Variants in BMX observed in about 807,000 individuals in gnomAD.
BMX encodes the protein cytoplasmic tyrosine-protein kinase BMX.
BMX carries 31 observed loss-of-function variants against 59.2 expected under a neutral mutation model. That is an observed-to-expected ratio of 0.52 (90% confidence interval 0.39 to 0.71). The LOEUF (loss-of-function observed/expected upper bound fraction) is 0.71. BMX is among the 30% of genes least tolerant of loss of function. BMX has a pLI of 0.00. For synonymous variants in BMX, 185 were observed against 181.0 expected, an observed-to-expected ratio of 1.02 and a Z score of -0.18; for missense variants, 474 against 491.7, an observed-to-expected ratio of 0.96 and a Z score of 0.34.
intron 6 of BMX, 43 bp downstream of exon 6, chrX:15,518,036 T>C (rs758363110): frequency 1.1e-5 from 12 of 1,074,061 alleles, no homozygotes; most frequent in South Asian, 4.0e-5. Context: ...TCAGGATATA[T>C]TAAATAAACC....
chrX:15,524,664 G>A (rs1222542950), intron 7 of BMX, among the ~76,000 whole-genome samples: 1 of 111,949 alleles, frequency 8.9e-6, no homozygotes, highest in Non-Finnish European at 1.9e-5. Flanking sequence ...TCCTTGCTAA[G>A]GAAACTTGTT....
rs1425392939 is a variant in BMX, at chrX:15,547,703, G to A, written c.1795+782G>A. Among the ~76,000 whole-genome samples the A allele has an allele frequency of 5.4e-5, 6 of 111,799 alleles. No individual in the cohort carries two copies. In the Admixed American group the frequency reaches 5.7e-4, roughly 11 times the overall value. ...CTAAAATGCTATGTGGCCCTTTATA[G>A]GATAAGTTTGCTGACTCTTATTTTA... On this transcript the variant is annotated intron_variant, in intron 17 of 18. Coordinates refer to ENST00000348343, the MANE Select transcript of BMX (RefSeq NM_203281.3).
At chrX:15,539,103 G>A (rs1569228303) in intron 14 of BMX, among the ~76,000 whole-genome samples, 1 of 110,901 alleles carries the variant, frequency 9.0e-6, no homozygotes, top group African/African-American at 3.3e-5. Context: ...TCATAAAACT[G>A]GGAAGGGGGC....
intron 1 of BMX, 80 bp downstream of exon 1, chrX:15,501,020 G>C: frequency 1.4e-6 from 1 of 717,547 alleles, no homozygotes; most frequent in Non-Finnish European, 1.7e-6. Context: ...TGTGGGGCCT[G>C]AAGTTACAAA....
intron 16 of BMX, among the ~76,000 whole-genome samples, chrX:15,543,452 G>C (rs1291057424): frequency 4.5e-5 from 5 of 110,677 alleles, no homozygotes; most frequent in African/African-American, 1.6e-4. Context: ...TGGGTACATA[G>C]TAGGTATACA....
At chrX:15,518,104 G>A in intron 6 of BMX, 111 bp downstream of exon 6, 1 of 616,756 alleles carries the variant, frequency 1.6e-6, no homozygotes, top group African/African-American at 2.2e-5. Flanking sequence ...TCTCAGCAAA[G>A]AGAGAAAAAC....
rs776533089 is a variant in BMX at position 15,534,335 on chromosome X, A to G, written c.1143A>G (p.Ser381=). Residue 381 remains serine (S), a synonymous_variant, in exon 12 of 19, where the codon TCA becomes TCG. Transcript: ENST00000348343. ...PKLIHYHQHN[S]AGMITRLRHP... ...TTATTCATTATCATCAACACAATTC[A>G]GCAGGTAACTTATTTTAGTTTTTCT... 5 of 1,163,864 alleles carry G rather than the reference A, an allele frequency of 4.3e-6. No homozygotes were observed. The highest frequency in any genetic ancestry group is 5.7e-6 in the Non-Finnish European group (5 of 875,231).
Position 15,549,864 on chromosome X carries a change from G to T in BMX, c.1820G>T (p.Ser607Ile), listed in dbSNP as rs1239574626. The change falls in exon 18 of 19, where the codon AGC becomes ATC. Residue 607 changes from serine to isoleucine, a missense_variant. Coordinates refer to ENST00000348343, the MANE Select transcript of BMX (RefSeq NM_203281.3). Reference sequence around the variant, plus strand: ...GGGATCCTGATGTGGGAGGTGTTCAGCCTGGGGAAGCAGCCCTATGACTTG... The same window carrying T: ...GGGATCCTGATGTGGGAGGTGTTCATCCTGGGGAAGCAGCCCTATGACTTG... The part of the protein sequence containing the change: ...AFGILMWEVF[S>I]LGKQPYDLYD... The T allele has an allele frequency of 8.3e-7, 1 of 1,206,788 alleles. No individual in the cohort carries two copies. The highest frequency in any genetic ancestry group is 1.8e-5 in the African/African-American group (1 of 56,884).
chrX:15,546,295 T>G (rs1357264202), intron 16 of BMX, among the ~76,000 whole-genome samples: 2 of 112,085 alleles, frequency 1.8e-5, no homozygotes, highest in African/African-American at 6.5e-5. Flanking sequence ...AAATTATGTT[T>G]AATTCCTTCC....
rs1014730630 is a variant in BMX, at chrX:15,501,402, C to A, written c.-10+462C>A. On this transcript the variant is annotated intron_variant, in intron 1 of 18. Transcript: ENST00000348343. ...GTTACTTTAGCTACAAATATTTGCT[C>A]TTAGGTTCCTGAGGTCTCCCTAAAT... 3.6e-5 allele frequency among the ~76,000 whole-genome samples: 4 copies of A among 112,378 alleles called. No homozygotes were observed. The Admixed American group carries it at 3.8e-4, about 11-fold the overall frequency.
intron 9 of BMX, among the ~76,000 whole-genome samples, chrX:15,529,002 C>T (rs1341688835): frequency 3.6e-5 from 4 of 111,967 alleles, no homozygotes; most frequent in African/African-American, 1.3e-4. Context: ...TATACAGTAT[C>T]CATAATGGTA....
In BMX at chrX:15,516,244, T is replaced by A. The variant is rs1356393780; in HGVS notation, c.445+13T>A. ...CTCTGGGAAGCATGTAATGTGTGAT[T>A]CCTCTGTTGGACTGGACGTTGGGTG... is the stretch of plus-strand genomic sequence containing the variant. On this transcript the variant is annotated intron_variant, in intron 5 of 18. Transcript: ENST00000348343. 8.3e-7 allele frequency: 1 copy of A among 1,206,650 alleles called. No individual in the cohort carries two copies. Among genetic ancestry groups the A allele is most frequent in the Admixed American group, 2.2e-5 (1 of 45,937 alleles).
rs188954548 is a variant in BMX, at chrX:15,540,998, A to C, written c.1395-984A>C. On this transcript the variant is annotated intron_variant, in intron 14 of 18. Coordinates refer to ENST00000348343, the MANE Select transcript of BMX (RefSeq NM_203281.3). ...AGGTGATATGGCAGCACACTGCTAG[A>C]GACTCCGCTAGACATTTAGCTTAAC... is the stretch of plus-strand genomic sequence containing the variant. Among the ~76,000 whole-genome samples, 3 of 107,714 alleles carry C rather than the reference A, an allele frequency of 2.8e-5. No homozygotes were observed. The East Asian group carries it at 8.8e-4, about 31-fold the overall frequency. The allele number at this position is 107,714 out of a possible 115,157, so 93.5% of individuals were successfully genotyped here.
chrX:15,536,254 T>C, intron 12 of BMX, 99 bp from the exon 13 acceptor site: 1 of 870,981 alleles, frequency 1.1e-6, no homozygotes, highest in Non-Finnish European at 1.6e-6. Flanking sequence ...TCTTTGCTTT[T>C]TCAGCCACTT....
At chrX:15,527,717 C>A (rs1924863663) in intron 9 of BMX, among the ~76,000 whole-genome samples, 1 of 111,833 alleles carries the variant, frequency 8.9e-6, no homozygotes, top group Admixed American at 9.5e-5. Flanking sequence ...CTCCTCCTCT[C>A]ATCTCTAACC....
Position 15,531,383 on chromosome X carries a change from T to C in BMX, c.995T>C (p.Val332Ala). Reference sequence around the variant, plus strand: ...TCGAGCCAAGTGGGAATGTACACAGTGTCCTTATTTAGTAAGGCTGTGAAG... The same window carrying C: ...TCGAGCCAAGTGGGAATGTACACAGCGTCCTTATTTAGTAAGGCTGTGAAG... ...RNSSQVGMYT[V>A]SLFSKAVNDK... Residue 332 changes from valine (V) to alanine (A), a missense_variant, in exon 11 of 19, where the codon GTG becomes GCG. By Grantham distance (64) the Val-to-Ala change is moderately conservative (BLOSUM62 0). Transcript: ENST00000348343. 1 of 1,206,599 alleles carries C rather than the reference T, an allele frequency of 8.3e-7. No individual in the cohort carries two copies. Among genetic ancestry groups the C allele is most frequent in the Non-Finnish European group, 1.1e-6 (1 of 891,094 alleles).
intron 12 of BMX, among the ~76,000 whole-genome samples, chrX:15,534,615 T>C (rs1345380450): frequency 1.2e-4 from 13 of 111,280 alleles, no homozygotes; most frequent in Admixed American, 8.7e-4. Context: ...TTTCTGTGTA[T>C]AGAAGCAAGA....
chrX:15,555,331 C>G (rs764662594), intron 18 of BMX, among the ~76,000 whole-genome samples: 1 of 106,569 alleles, frequency 9.4e-6, no homozygotes, highest in East Asian at 3.0e-4. Context: ...GTCCCACCCT[C>G]CCGAGTAGCT....
At chrX:15,539,439 T>A (rs1925544366) in intron 14 of BMX, among the ~76,000 whole-genome samples, 1 of 111,178 alleles carries the variant, frequency 9.0e-6, no homozygotes, top group Admixed American at 9.5e-5. Context: ...ACTGAATTTG[T>A]TCAAAGAATA....
Sources: allele counts gnomAD v4.1 joint callset (sites outside exome capture counted in the v4.1 genomes callset), GRCh38; gene constraint gnomAD v4.1.1; transcripts MANE v1.5; gene names NCBI Gene and HGNC (gene_info 2026-07-23, HGNC 2026-07-21).